CAMK1D: variants seen among roughly 807,000 people sequenced by gnomAD.
CAMK1D encodes the protein calcium/calmodulin dependent protein kinase ID, also known as calcium/calmodulin-dependent protein kinase type 1D.
CAMK1D carries 9 observed loss-of-function variants against 47.7 expected under a neutral mutation model. That is an observed-to-expected ratio of 0.19 (90% CI 0.11 to 0.33). The LOEUF (loss-of-function observed/expected upper bound fraction) is 0.33. Among genes scored for constraint, CAMK1D ranks in the 10% least tolerant of loss-of-function variants. The pLI is 1.00. For synonymous variants in CAMK1D, 184 were observed against 184.9 expected, an observed-to-expected ratio of 0.99 and a Z score of 0.04; for missense variants, 291 against 488.7, an observed-to-expected ratio of 0.60 and a Z score of 3.81.
chr10:12,601,422 G>T (rs188905354), intron 2 of CAMK1D, among the ~76,000 whole-genome samples: 2 of 152,116 alleles, frequency 1.3e-5, no homozygotes, highest in African/African-American at 4.8e-5. Flanking sequence ...ACAGCACCTC[G>T]TATAAGTCTG....
chr10:12,628,092 A>C (rs1219467811), intron 2 of CAMK1D, among the ~76,000 whole-genome samples: 1 of 151,952 alleles, frequency 6.6e-6, no homozygotes, highest in Non-Finnish European at 1.5e-5. Flanking sequence ...AAAAAAAACA[A>C]AAAACAAAAA....
chr10:12,372,296 T>C (rs965032588), intron 1 of CAMK1D, among the ~76,000 whole-genome samples: 2 of 152,230 alleles, frequency 1.3e-5, no homozygotes, highest in Non-Finnish European at 2.9e-5. Flanking sequence ...AGCCATTCAA[T>C]AAAATAGATA....
chr10:12,516,377 G>A (rs561953564), intron 1 of CAMK1D, among the ~76,000 whole-genome samples: 1 of 152,282 alleles, frequency 6.6e-6, no homozygotes, highest in East Asian at 1.9e-4. Flanking sequence ...AAAGTGCTGG[G>A]ATTACAGGCG....
chr10:12,491,005 T>C (rs1171038206), intron 1 of CAMK1D, among the ~76,000 whole-genome samples: 2 of 152,068 alleles, frequency 1.3e-5, no homozygotes, highest in Non-Finnish European at 2.9e-5. Context: ...CATGTATAGG[T>C]GGGAATTTCT....
intron 5 of CAMK1D, among the ~76,000 whole-genome samples, chr10:12,780,493 C>A (rs1292234986): frequency 6.6e-6 from 1 of 152,158 alleles, no homozygotes; most frequent in East Asian, 1.9e-4. Flanking sequence ...GTCAAGGATA[C>A]TGGCCATCAT....
At chr10:12,485,129 A>G (rs1190943753) in intron 1 of CAMK1D, among the ~76,000 whole-genome samples, 1 of 152,240 alleles carries the variant, frequency 6.6e-6, no homozygotes, top group Non-Finnish European at 1.5e-5. Flanking sequence ...GCAAGAATGC[A>G]CACGGGCCTG....
At chr10:12,497,058 A>G (rs186857735) in intron 1 of CAMK1D, among the ~76,000 whole-genome samples, 2 of 152,328 alleles carry the variant, frequency 1.3e-5, no homozygotes, top group Admixed American at 1.3e-4. Flanking sequence ...GTCCCTGCAA[A>G]GGACATGATC....
chr10:12,395,809 T>C (rs7921423), intron 1 of CAMK1D, among the ~76,000 whole-genome samples: 151,756 of 151,904 alleles, frequency 1, 75,805 homozygotes, highest in Middle Eastern at 1. Flanking sequence ...TGCCGGTAGT[T>C]CCAGCTACTT....
intron 1 of CAMK1D, among the ~76,000 whole-genome samples, chr10:12,443,094 C>G (rs1406030575): frequency 6.6e-6 from 1 of 152,104 alleles, no homozygotes; most frequent in Non-Finnish European, 1.5e-5. Context: ...AAATACTGAG[C>G]TCTCAGAAAT....
At chr10:12,558,373 G>T (rs1836831051) in intron 2 of CAMK1D, among the ~76,000 whole-genome samples, 1 of 152,188 alleles carries the variant, frequency 6.6e-6, no homozygotes, top group Non-Finnish European at 1.5e-5. Context: ...GGCCAAGGTG[G>T]TGAAACCCCA....
chr10:12,654,059 T>C (rs1222846678), intron 2 of CAMK1D, among the ~76,000 whole-genome samples: 1 of 152,334 alleles, frequency 6.6e-6, no homozygotes, highest in East Asian at 1.9e-4. Flanking sequence ...CAGTGCATTA[T>C]TTTGTTTCCC....
At chr10:12,734,574 A>G (rs1362571432) in intron 3 of CAMK1D, among the ~76,000 whole-genome samples, 3 of 148,848 alleles carry the variant, frequency 2.0e-5, no homozygotes, top group African/African-American at 7.5e-5. Context: ...ATATGTGTAT[A>G]TATATATATA....
At chr10:12,393,295 T>A (rs1838813739) in intron 1 of CAMK1D, among the ~76,000 whole-genome samples, 2 of 152,280 alleles carry the variant, frequency 1.3e-5, no homozygotes, top group South Asian at 4.1e-4. Flanking sequence ...CCTCCCAAAG[T>A]GCTGAGATTA....
At chr10:12,806,872 C>T (rs927482240) in intron 6 of CAMK1D, among the ~76,000 whole-genome samples, 5 of 152,136 alleles carry the variant, frequency 3.3e-5, no homozygotes, top group Admixed American at 6.5e-5. Context: ...ATGCCAAGAC[C>T]GTGGGGACTT....
At chr10:12,708,893 G>A (rs1833827754) in intron 3 of CAMK1D, among the ~76,000 whole-genome samples, 1 of 152,234 alleles carries the variant, frequency 6.6e-6, no homozygotes, top group Non-Finnish European at 1.5e-5. Context: ...ACTTTGAGAG[G>A]CCGAGGCAGG....
At chr10:12,732,406 T>A (rs575325232) in intron 3 of CAMK1D, among the ~76,000 whole-genome samples, 1 of 152,132 alleles carries the variant, frequency 6.6e-6, no homozygotes, top group Non-Finnish European at 1.5e-5. Flanking sequence ...CTGTGTATTA[T>A]TAGTCCATTT....
Position 12,717,731 on chromosome 10 carries a change from G to GAAAAAAAAAAAAAA in CAMK1D, c.300-43214_300-43201dup, listed in dbSNP as rs11289567. 9.1e-5 allele frequency among the ~76,000 whole-genome samples: 11 copies of GAAAAAAAAAAAAAA among 121,192 alleles called. 1 individual carries two copies. Among genetic ancestry groups the GAAAAAAAAAAAAAA allele is most frequent in the African/African-American group, 3.8e-4 (11 of 28,660 alleles). The allele number at this position is 121,192 out of a possible 152,430, so 79.5% of individuals were successfully genotyped here. ...AGAGGCTTTGTCTCTACAAAAAATT[G>GAAAAAAAAAAAAAA]AAAAAAAAAAAAAAAAGCTGGATGT... On this transcript the variant is annotated intron_variant, in intron 3 of 10. Transcript: ENST00000619168.
intron 3 of CAMK1D, among the ~76,000 whole-genome samples, chr10:12,699,649 G>GA (rs368569893): frequency 3.9e-4 from 56 of 143,612 alleles, no homozygotes; most frequent in African/African-American, 5.9e-4. Context: ...GCTGTAACTT[G>GA]AAAAAAAAAA....
chr10:12,459,216 A>T (rs912655529), intron 1 of CAMK1D, among the ~76,000 whole-genome samples: 3 of 152,124 alleles, frequency 2.0e-5, no homozygotes, highest in African/African-American at 7.2e-5. Flanking sequence ...ATCACTTCAG[A>T]TAAGTTTCAA....
Sources: allele counts gnomAD v4.1 joint callset (sites outside exome capture counted in the v4.1 genomes callset), GRCh38; gene constraint gnomAD v4.1.1; transcripts MANE v1.5; gene names NCBI Gene and HGNC (gene_info 2026-07-23, HGNC 2026-07-21).